FLT1: variants seen among roughly 807,000 people sequenced by gnomAD.
FLT1 encodes the protein fms related receptor tyrosine kinase 1, also known as vascular endothelial growth factor receptor 1.
In FLT1, 49 loss-of-function variants were observed where a neutral mutation model predicts 156.3. The observed-to-expected ratio is 0.31, with a 90% CI of 0.25 to 0.40. FLT1 has a LOEUF of 0.40. FLT1 is among the 10% of genes least tolerant of loss of function. The pLI, the probability that FLT1 is intolerant of heterozygous loss-of-function variation, is 1.00. For missense variants in FLT1, 1,322 were observed against 1,637.2 expected (o/e 0.81, Z 3.32); for synonymous variants, 594 against 583.8 (o/e 1.02, Z -0.25).
intron 4 of FLT1, among the ~76,000 whole-genome samples, chr13:28,435,740 G>A (rs896515445): frequency 3.3e-5 from 5 of 152,096 alleles, no homozygotes; most frequent in African/African-American, 9.7e-5. Flanking sequence ...TGCCTACATC[G>A]GAATGTATTA....
intron 1 of FLT1, among the ~76,000 whole-genome samples, chr13:28,484,344 G>T (rs1881024904): frequency 6.6e-6 from 1 of 152,172 alleles, no homozygotes; most frequent in African/African-American, 2.4e-5. Flanking sequence ...TTTTTCCTCG[G>T]ACCTGCCTGA....
intron 23 of FLT1, among the ~76,000 whole-genome samples, chr13:28,320,701 C>T (rs1191185875): frequency 6.6e-6 from 1 of 152,078 alleles, no homozygotes; most frequent in East Asian, 1.9e-4. Context: ...TCAGGCTCCA[C>T]CCAAGAGTTA....
At chr13:28,416,799 G>A (rs917391330) in intron 10 of FLT1, among the ~76,000 whole-genome samples, 2 of 152,086 alleles carry the variant, frequency 1.3e-5, no homozygotes, top group African/African-American at 4.8e-5. Flanking sequence ...ACGTGTTCAA[G>A]TACTTTTTTC....
At chr13:28,454,173 G>A (rs1194148965) in intron 3 of FLT1, among the ~76,000 whole-genome samples, 1 of 152,030 alleles carries the variant, frequency 6.6e-6, no homozygotes, top group Non-Finnish European at 1.5e-5. Flanking sequence ...AAAGTTGTTG[G>A]TATCATCTTT....
intron 11 of FLT1, among the ~76,000 whole-genome samples, chr13:28,402,215 T>C (rs7324395): frequency 0.96 from 146,137 of 152,304 alleles, 70,315 homozygotes; most frequent in East Asian, 1. Context: ...GCCCCACTGA[T>C]CTGTGGAGTA....
At chr13:28,452,799 T>C (rs1196493928) in intron 3 of FLT1, among the ~76,000 whole-genome samples, 1 of 151,980 alleles carries the variant, frequency 6.6e-6, no homozygotes, top group Non-Finnish European at 1.5e-5. Flanking sequence ...ATGAAAATAA[T>C]AAAATCATCA....
chr13:28,473,065 C>T (rs767612753), intron 1 of FLT1, among the ~76,000 whole-genome samples: 11 of 152,074 alleles, frequency 7.2e-5, no homozygotes, highest in East Asian at 1.9e-4. Flanking sequence ...CACTTCATGC[C>T]GACTGGGAAA....
chr13:28,467,428 A>T, intron 2 of FLT1, 93 bp downstream of exon 2: 1 of 849,750 alleles, frequency 1.2e-6, no homozygotes, highest in Non-Finnish European at 2.0e-6. Flanking sequence ...ATCACAGGAG[A>T]TCACTGAGGT....
Position 28,334,113 on chromosome 13 carries a change from T to C in FLT1, c.2505A>G (p.Arg835=), listed in dbSNP as rs1204144781. 3 of 1,612,546 alleles carry C rather than the reference T, an allele frequency of 1.9e-6. No homozygotes were observed. Among genetic ancestry groups the C allele is most frequent in the South Asian group, 1.1e-5 (1 of 91,056 alleles). The change falls in exon 18 of 30, where the codon AGA becomes AGG. Residue 835 remains arginine (R), a synonymous_variant. Coordinates refer to ENST00000282397, the MANE Select transcript of FLT1 (RefSeq NM_002019.4). ...ERLKLGKSLG[R]GAFGKVVQAS... is the part of the protein sequence containing the mutation. ...CTTGAACCACTTTTCCAAAAGCCCC[T>C]CTTCCAAGTGATTTGCCTGTAATGA...
intron 10 of FLT1, among the ~76,000 whole-genome samples, chr13:28,419,704 C>T (rs919402777): frequency 1.3e-5 from 2 of 152,132 alleles, no homozygotes; most frequent in Admixed American, 1.3e-4. Context: ...ATGGCGAAAC[C>T]GCGTCTCTAC....
In FLT1 at chr13:28,320,811, CA is replaced by C. The variant is rs147102443; in HGVS notation, c.3174+651del. On this transcript the variant is annotated intron_variant, in intron 23 of 29. Coordinates refer to ENST00000282397, the MANE Select transcript of FLT1 (RefSeq NM_002019.4). ...ATGTATGTTCAATTAAGCTGGGAACCACTACTGTAACTCATTGGCGCCCAGA... is the reference window on the plus strand; with the variant it reads ...ATGTATGTTCAATTAAGCTGGGAACCCTACTGTAACTCATTGGCGCCCAGA... 8.3e-3 allele frequency among the ~76,000 whole-genome samples: 1,269 copies of C among 152,164 alleles called. 12 individuals carry two copies. The highest frequency in any genetic ancestry group is 0.029 in the African/African-American group (1,186 of 41,504).
At chr13:28,445,146 A>C (rs1162111549) in intron 3 of FLT1, among the ~76,000 whole-genome samples, 1 of 152,212 alleles carries the variant, frequency 6.6e-6, no homozygotes, top group Non-Finnish European at 1.5e-5. Flanking sequence ...CAGACAAGCC[A>C]AGAAAAAAAG....
chr13:28,355,419 G>A (rs1200993016), intron 15 of FLT1, among the ~76,000 whole-genome samples: 3 of 152,194 alleles, frequency 2.0e-5, no homozygotes, highest in Non-Finnish European at 4.4e-5. Flanking sequence ...ATGTCAGACA[G>A]TACTGTCTCA....
rs1255284463 is a variant in FLT1 at position 28,467,558 on chromosome 13, T to C, written c.124A>G (p.Ile42Val). 4.3e-6 allele frequency: 7 copies of C among 1,611,740 alleles called. No individual in the cohort carries two copies. The highest frequency in any genetic ancestry group is 5.9e-6 in the Non-Finnish European group (7 of 1,178,724). Residue 42 changes from isoleucine (I) to valine (V), a missense_variant, in exon 2 of 30, where the codon ATC (isoleucine) becomes GTC (valine). Ile to Val is a conservative substitution (Grantham distance 29). Around this residue, in one of 3 missense-constraint regions of FLT1, gnomAD observed 991 missense variants for 1,254.8 expected, o/e 0.79. Coordinates refer to ENST00000282397, the MANE Select transcript of FLT1 (RefSeq NM_002019.4). Reference protein sequence around the residue: ...PELSLKGTQHIMQAGQTLHLQ... With the variant: ...PELSLKGTQHVMQAGQTLHLQ... Reference sequence around the variant, plus strand: ...TGCAGTGTCTGGCCTGCTTGCATGATGTGCTGGGTGCCTTTTAAACTCAGT... The same window carrying C: ...TGCAGTGTCTGGCCTGCTTGCATGACGTGCTGGGTGCCTTTTAAACTCAGT...
At chr13:28,456,302 A>G (rs1257049170) in intron 3 of FLT1, among the ~76,000 whole-genome samples, 1 of 151,640 alleles carries the variant, frequency 6.6e-6, no homozygotes, top group Non-Finnish European at 1.5e-5. Context: ...AAAAATATAT[A>G]AACTATGAAT....
At chr13:28,382,503 G>A (rs1311191127) in intron 14 of FLT1, among the ~76,000 whole-genome samples, 3 of 152,292 alleles carry the variant, frequency 2.0e-5, no homozygotes, top group South Asian at 2.1e-4. Flanking sequence ...AGTTGGAGCC[G>A]GTGGAAGACT....
chr13:28,418,326 A>G (rs1374504268), intron 10 of FLT1, among the ~76,000 whole-genome samples: 1 of 152,010 alleles, frequency 6.6e-6, no homozygotes, highest in African/African-American at 2.4e-5. Context: ...CAATTCACCT[A>G]TTTGCTGCTC....
At chr13:28,385,939 G>A (rs1050968006) in intron 13 of FLT1, 1 of 1,050,636 alleles carries the variant, frequency 9.5e-7, no homozygotes, top group African/African-American at 1.7e-5. Context: ...GGTAGCTAAA[G>A]CTTCCAAGGT....
At chr13:28,318,255 C>T (rs1176909377) in intron 24 of FLT1, among the ~76,000 whole-genome samples, 1 of 152,122 alleles carries the variant, frequency 6.6e-6, no homozygotes. Context: ...GGAGTTGTGA[C>T]AGGCCTGAGG....
Sources: gnomAD v4.1 joint callset for allele counts (sites outside exome capture counted in the v4.1 genomes callset) on GRCh38, gnomAD v4.1.1 for gene constraint, gnomAD v4.1.1 regional missense constraint, MANE v1.5 for transcripts, NCBI Gene and HGNC (gene_info 2026-07-23, HGNC 2026-07-21) for gene names.